Variants in GRAMD1B observed in about 807,000 individuals in gnomAD.
The protein encoded by GRAMD1B is protein Aster-B.
Under a neutral mutation model 99.7 loss-of-function variants are expected in GRAMD1B, and 37 were observed. The observed-to-expected ratio is 0.37, with a 90% CI of 0.29 to 0.49. The LOEUF (loss-of-function observed/expected upper bound fraction) is 0.49, where lower values mean the gene tolerates loss of function less well. Ranked by LOEUF, GRAMD1B falls within the 20% of genes least tolerant of loss-of-function variation. The pLI, the probability that GRAMD1B is intolerant of heterozygous loss-of-function variation, is 0.98. For missense variants in GRAMD1B, 888 were observed against 1,009.2 expected (o/e 0.88, Z 1.63); for synonymous variants, 427 against 387.6 (o/e 1.10, Z -1.19).
chr11:123,379,297 T>C (rs1946793705), intron 1 of GRAMD1B, among the ~76,000 whole-genome samples: 1 of 152,180 alleles, frequency 6.6e-6, no homozygotes, highest in Admixed American at 6.5e-5. Context: ...AGGAAGACTT[T>C]CAGTTTGAAT....
At chr11:123,468,903 T>C (rs1473000080) in intron 1 of GRAMD1B, among the ~76,000 whole-genome samples, 1 of 151,776 alleles carries the variant, frequency 6.6e-6, no homozygotes, top group East Asian at 1.9e-4. Context: ...AGCTATAATA[T>C]TGTGTGTCTA....
In GRAMD1B at chr11:123,387,876, C is replaced by A. The variant is rs542430609; in HGVS notation, c.-176+29077C>A. 2.6e-5 allele frequency among the ~76,000 whole-genome samples: 4 copies of A among 152,102 alleles called. No individual in the cohort carries two copies. In the East Asian group the frequency reaches 7.7e-4, roughly 29 times the overall value. On this transcript the variant is annotated intron_variant, in intron 1 of 20. Coordinates refer to the GRAMD1B transcript ENST00000638157. ...TGGTGGCTCACGCCTGTAATCCCAGCACTTTGGGAGGCCGAGGCAGGTGGA... is the reference window on the plus strand; with the variant it reads ...TGGTGGCTCACGCCTGTAATCCCAGAACTTTGGGAGGCCGAGGCAGGTGGA...
At chr11:123,371,642 C>T (rs1204871389) in intron 1 of GRAMD1B, among the ~76,000 whole-genome samples, 1 of 152,196 alleles carries the variant, frequency 6.6e-6, no homozygotes, top group Non-Finnish European at 1.5e-5. Flanking sequence ...TGGTTCACCA[C>T]ACAGACACAT....
intron 2 of GRAMD1B, among the ~76,000 whole-genome samples, chr11:123,545,339 C>T (rs1325930084): frequency 6.6e-6 from 1 of 152,206 alleles, no homozygotes; most frequent in Non-Finnish European, 1.5e-5. Flanking sequence ...TCCAGAATTT[C>T]TGGGCCCCGG....
intron 2 of GRAMD1B, among the ~76,000 whole-genome samples, chr11:123,500,188 GT>G (rs888068518): frequency 1.3e-5 from 2 of 152,190 alleles, no homozygotes; most frequent in African/African-American, 4.8e-5. Context: ...GGGCGTGGTT[GT>G]GCATGCCTGT....
intron 2 of GRAMD1B, among the ~76,000 whole-genome samples, chr11:123,495,356 A>G (rs1307777162): frequency 6.6e-6 from 1 of 152,210 alleles, no homozygotes; most frequent in Non-Finnish European, 1.5e-5. Flanking sequence ...CAGGGATGTA[A>G]TAGTCACAGC....
At chr11:123,514,734 C>T (rs188051912) in intron 2 of GRAMD1B, among the ~76,000 whole-genome samples, 5 of 152,328 alleles carry the variant, frequency 3.3e-5, no homozygotes, top group Admixed American at 1.3e-4. Context: ...TGAAGGACTT[C>T]GAGGTACCAT....
chr11:123,504,533 C>G (rs1044029319), intron 2 of GRAMD1B, among the ~76,000 whole-genome samples: 1 of 152,214 alleles, frequency 6.6e-6, no homozygotes, highest in African/African-American at 2.4e-5. Flanking sequence ...GAGAGCAGTG[C>G]AGATTGGCAA....
At chr11:123,384,725 C>A (rs562696987) in intron 1 of GRAMD1B, among the ~76,000 whole-genome samples, 1 of 152,154 alleles carries the variant, frequency 6.6e-6, no homozygotes, top group Non-Finnish European at 1.5e-5. Context: ...CTCTCTTAGC[C>A]TGCTTCTCAA....
chr11:123,566,537 C>A (rs1045242847), intron 2 of GRAMD1B, among the ~76,000 whole-genome samples: 3 of 152,086 alleles, frequency 2.0e-5, no homozygotes, highest in Non-Finnish European at 4.4e-5. Context: ...GAGGCCGAGG[C>A]GGGCAGATCA....
At chr11:123,437,032 C>A (rs1371963430) in intron 1 of GRAMD1B, among the ~76,000 whole-genome samples, 3 of 152,130 alleles carry the variant, frequency 2.0e-5, no homozygotes, top group Non-Finnish European at 4.4e-5. Flanking sequence ...CGATAGTTTG[C>A]TGAGAATGAT....
intron 13 of GRAMD1B, 81 bp downstream of exon 13, chr11:123,609,994 G>C: frequency 2.1e-6 from 2 of 943,666 alleles, no homozygotes; most frequent in Admixed American, 2.1e-5. Flanking sequence ...CAGATGTCAG[G>C]AAGAAGTTTC....
intron 1 of GRAMD1B, among the ~76,000 whole-genome samples, chr11:123,394,925 C>A (rs887538450): frequency 6.6e-6 from 1 of 152,160 alleles, no homozygotes; most frequent in African/African-American, 2.4e-5. Flanking sequence ...AAAAAGAGAA[C>A]AAGAGAGGGC....
chr11:123,539,101 T>C (rs766324361), intron 2 of GRAMD1B, among the ~76,000 whole-genome samples: 1 of 152,286 alleles, frequency 6.6e-6, no homozygotes, highest in Middle Eastern at 3.4e-3. Flanking sequence ...GGCTCACACC[T>C]GTAATCCCAG....
intron 16 of GRAMD1B, among the ~76,000 whole-genome samples, chr11:123,614,107 A>G (rs1953993382): frequency 6.6e-6 from 1 of 152,100 alleles, no homozygotes; most frequent in Non-Finnish European, 1.5e-5. Flanking sequence ...GACTCCCTTA[A>G]TATTTCTTCC....
rs780185142 is a variant in GRAMD1B at position 123,577,323 on chromosome 11, C to G, written c.453-44C>G. On this transcript the variant is annotated intron_variant, in intron 2 of 19. Coordinates refer to ENST00000635736, the MANE Select transcript of GRAMD1B (RefSeq NM_001387025.1). Reference sequence around the variant, plus strand: ...TCACTGACTGCCTGCCTTTCCTCCTCCTTCTCTTTCCACCCCGCTCCCTCT... The same window carrying G: ...TCACTGACTGCCTGCCTTTCCTCCTGCTTCTCTTTCCACCCCGCTCCCTCT... The G allele has an allele frequency of 6.1e-6, 9 of 1,487,054 alleles. No individual in the cohort carries two copies. The African/African-American group carries it at 8.3e-5, about 14-fold the overall frequency. The allele number at this position is 1,487,054 out of a possible 1,614,324, so 92.1% of individuals were successfully genotyped here.
intron 1 of GRAMD1B, among the ~76,000 whole-genome samples, chr11:123,463,870 G>T (rs1445151576): frequency 1.3e-5 from 2 of 152,242 alleles, no homozygotes; most frequent in South Asian, 4.1e-4. Flanking sequence ...CTGTGTAAAG[G>T]CCTCAGGAAG....
chr11:123,462,030 G>A (rs1485048265), intron 1 of GRAMD1B, among the ~76,000 whole-genome samples: 3 of 147,016 alleles, frequency 2.0e-5, no homozygotes, highest in East Asian at 4.0e-4. Context: ...GCAGTGGCAC[G>A]GTCTTGGCTC....
intron 2 of GRAMD1B, among the ~76,000 whole-genome samples, chr11:123,542,958 G>A (rs112875189): frequency 0.094 from 13,636 of 145,526 alleles, 855 homozygotes; most frequent in Non-Finnish European, 0.15. Flanking sequence ...CCAGCCTGGC[G>A]AGTAGTTTTT....
Sources: gnomAD v4.1 joint callset for allele counts (sites outside exome capture counted in the v4.1 genomes callset) on GRCh38, gnomAD v4.1.1 for gene constraint, MANE v1.5 for transcripts, NCBI Gene and HGNC (gene_info 2026-07-23, HGNC 2026-07-21) for gene names.